CD4: variants seen among roughly 807,000 people sequenced by gnomAD.
CD4 encodes the protein T-cell surface glycoprotein CD4.
A neutral mutation model predicts 50.5 loss-of-function variants in CD4; 25 were observed. That is an observed-to-expected ratio of 0.49 (90% confidence interval 0.36 to 0.69). The LOEUF is 0.69. Ranked by LOEUF, CD4 falls within the 30% of genes least tolerant of loss-of-function variation. The pLI is 0.00. For missense variants in CD4, 456 were observed against 548.5 expected (o/e 0.83, Z 1.68); for synonymous variants, 207 against 221.9 (o/e 0.93, Z 0.60).
intron 3 of CD4, among the ~76,000 whole-genome samples, chr12:6,800,980 A>G (rs1942527243): frequency 6.6e-6 from 1 of 151,022 alleles, no homozygotes. Flanking sequence ...ATCTCGGCTC[A>G]CTGCAATCTC....
chr12:6,807,036 G>A (rs1030268384), intron 3 of CD4, among the ~76,000 whole-genome samples: 12 of 151,964 alleles, frequency 7.9e-5, no homozygotes, highest in Non-Finnish European at 1.5e-4. Context: ...GCGTGGTGGC[G>A]GGCGCCTGTA....
In CD4 at chr12:6,789,671, G is replaced by A. The variant is rs966006376; in HGVS notation, c.-68+9G>A. On this transcript the variant is annotated intron_variant, in intron 1 of 9. Transcript: ENST00000011653. The stretch of plus-strand genomic sequence containing the variant: ...AAGACGCAAGCCCAGAGGTAAGGTG[G>A]TCAGACTCGGCTTCCTTCCCCGGAG... The A allele has an allele frequency of 5.9e-5, 9 of 152,282 alleles. No homozygotes were observed. The highest frequency in any genetic ancestry group is 2.2e-4 in the African/African-American group (9 of 41,470). The allele number at this position is 152,282 out of a possible 1,614,324, so 9.4% of individuals were successfully genotyped here.
At position 6,814,884 on chromosome 12, in the gene CD4, A is replaced by G; in HGVS notation, c.499A>G (p.Lys167Glu). The G allele has an allele frequency of 1.2e-6, 2 of 1,613,190 alleles. No individual in the cohort carries two copies. The highest frequency in any genetic ancestry group is 2.2e-5 in the South Asian group (2 of 91,048). Residue 167 changes from lysine (K) to glutamate (E), a missense_variant, in exon 5 of 10, where the codon AAG becomes GAG. Transcript: ENST00000011653. ...SPRGKNIQGG[K>E]TLSVSQLELQ... ...AAGGGGTAAAAACATACAGGGGGGG[A>G]AGACCCTCTCCGTGTCTCAGCTGGA... is the stretch of plus-strand genomic sequence containing the variant.
chr12:6,810,636 C>T (rs1236514213), intron 3 of CD4, among the ~76,000 whole-genome samples: 4 of 151,814 alleles, frequency 2.6e-5, no homozygotes, highest in South Asian at 2.1e-4. Flanking sequence ...GAGTTCAAGA[C>T]GAAGAAAAAC....
rs377312803 is a variant in CD4 at position 6,791,750 on chromosome 12, T to C, written c.-68+2088T>C. 1.2e-4 allele frequency among the ~76,000 whole-genome samples: 18 copies of C among 152,148 alleles called. No individual in the cohort carries two copies. The East Asian group carries it at 2.1e-3, about 18-fold the overall frequency. ...CACAAAAGTTAGCTGGGCATGGTAGTGTGTGCCTGTGGTTCCAGCTACTTG... is the reference window on the plus strand; with the variant it reads ...CACAAAAGTTAGCTGGGCATGGTAGCGTGTGCCTGTGGTTCCAGCTACTTG... On this transcript the variant is annotated intron_variant, in intron 1 of 9. Transcript: ENST00000011653.
chr12:6,815,545 C>A (rs782521449), intron 5 of CD4, among the ~76,000 whole-genome samples: 5 of 152,304 alleles, frequency 3.3e-5, no homozygotes, highest in African/African-American at 1.2e-4. Flanking sequence ...CTGCCACAAC[C>A]ATGTGACCTT....
rs782116340 is a variant in CD4 at position 6,817,269 on chromosome 12, G to A, written c.1095G>A (p.Ala365=). 13 of 1,593,548 alleles carry A rather than the reference G, an allele frequency of 8.2e-6. No individual in the cohort carries two copies. The highest frequency in any genetic ancestry group is 4.5e-5 in the South Asian group (4 of 88,854). ...CGGTGTGGGTGCTGAACCCTGAGGC[G>A]GGGATGTGGCAGTGTCTGCTGAGTG... is the stretch of plus-strand genomic sequence containing the variant. ...EKAVWVLNPE[A]GMWQCLLSDS... The change falls in exon 7 of 10, where the codon GCG becomes GCA. Residue 365 remains alanine (A), a synonymous_variant. Transcript: ENST00000011653.
Position 6,818,501 on chromosome 12 carries a change from G to A in CD4, c.1237G>A (p.Gly413Arg). 1.2e-6 allele frequency: 2 copies of A among 1,613,062 alleles called. No homozygotes were observed. The highest frequency in any genetic ancestry group is 2.2e-5 in the East Asian group (1 of 44,882). ...GGVAGLLLFI[G>R]LGIFFCVRCR... is the part of the protein sequence containing the mutation. ...CGTCGCCGGCCTCCTGCTTTTCATT[G>A]GGCTAGGCATCTTCTTCTGTGTCAG... The change falls in exon 8 of 10, where the codon GGG becomes AGG. Residue 413 changes from glycine (G) to arginine (R), a missense_variant. Transcript: ENST00000011653. This position sits in a 1 kb window ranked among gnomAD's most constrained non-coding sequence, Gnocchi z 5.0.
At chr12:6,807,131 C>T (rs1942787975) in intron 3 of CD4, among the ~76,000 whole-genome samples, 2 of 152,038 alleles carry the variant, frequency 1.3e-5, no homozygotes, top group Non-Finnish European at 2.9e-5. Flanking sequence ...CGCGCCATTG[C>T]ACTCCAACCT....
At position 6,819,351 on chromosome 12, in the gene CD4, C is replaced by T. The variant is rs1555118675; in HGVS notation, c.*22C>T. 1 of 1,612,806 alleles carries T rather than the reference C, an allele frequency of 6.2e-7. No individual in the cohort carries two copies. Among genetic ancestry groups the T allele is most frequent in the East Asian group, 2.2e-5 (1 of 44,872 alleles). On this transcript the variant is annotated 3_prime_UTR_variant, in exon 10 of 10. Coordinates refer to ENST00000011653, the MANE Select transcript of CD4 (RefSeq NM_000616.5). Reference sequence around the variant, plus strand: ...TTGAGGCACGAGGCCAGGCAGATCCCACTTGCAGCCTCCCCAGGTGTCTGC... The same window carrying T: ...TTGAGGCACGAGGCCAGGCAGATCCTACTTGCAGCCTCCCCAGGTGTCTGC...
At chr12:6,802,630 G>C (rs1942598440) in intron 3 of CD4, among the ~76,000 whole-genome samples, 1 of 151,848 alleles carries the variant, frequency 6.6e-6, no homozygotes. Flanking sequence ...CTGTTGTTCG[G>C]CGTGGAGAAT....
rs782313850 is a variant in CD4 at position 6,816,162 on chromosome 12, G to A, written c.714G>A (p.Leu238=). The A allele has an allele frequency of 3.7e-6, 6 of 1,614,224 alleles. No homozygotes were observed. The highest frequency in any genetic ancestry group is 5.1e-6 in the Non-Finnish European group (6 of 1,180,042). Residue 238 remains leucine (L), a synonymous_variant, in exon 6 of 10, where the codon CTG becomes CTA. Transcript: ENST00000011653. The surrounding 1 kb of genome is among the most constrained non-coding windows in gnomAD (Gnocchi z 4.9). ...AAAAGCTGACGGGCAGTGGCGAGCT[G>A]TGGTGGCAGGCGGAGAGGGCTTCCT... ...TVEKLTGSGE[L]WWQAERASSS... is the part of the protein sequence containing the mutation.
chr12:6,799,538 T>G (rs1360018225), intron 1 of CD4: 1 of 153,518 alleles, frequency 6.5e-6, no homozygotes. Context: ...TTTTTTGCAG[T>G]GGTGCAATCT....
chr12:6,806,128 G>A (rs1329100470), intron 3 of CD4, among the ~76,000 whole-genome samples: 5 of 128,422 alleles, frequency 3.9e-5, no homozygotes, highest in Non-Finnish European at 4.9e-5. Context: ...AGGAAACCCC[G>A]TCTCTACCAA....
Position 6,814,338 on chromosome 12 carries a change from T to C in CD4, c.373+38T>C, listed in dbSNP as rs376507386. 3 of 1,592,754 alleles carry C rather than the reference T, an allele frequency of 1.9e-6. No individual in the cohort carries two copies. In the African/African-American group the frequency reaches 4.0e-5, roughly 21 times the overall value. On this transcript the variant is annotated intron_variant, in intron 4 of 9. Coordinates refer to ENST00000011653, the MANE Select transcript of CD4 (RefSeq NM_000616.5). ...GGTGGGGATGAGGATACCTCCTGCC[T>C]GGTTCCCTTCCCCACTACTCCCACC... is the stretch of plus-strand genomic sequence containing the variant.
intron 6 of CD4, 77 bp from the exon 7 acceptor site, chr12:6,817,053 G>A: frequency 7.9e-7 from 1 of 1,272,938 alleles, no homozygotes; most frequent in Non-Finnish European, 1.1e-6. Context: ...CTAAAAGAAG[G>A]TCACCCATAT....
chr12:6,810,203 C>G (rs1844296320), intron 3 of CD4, among the ~76,000 whole-genome samples: 1 of 152,080 alleles, frequency 6.6e-6, no homozygotes, highest in Non-Finnish European at 1.5e-5. Context: ...GCCCATACCT[C>G]TTTTAAGTCT....
intron 3 of CD4, among the ~76,000 whole-genome samples, chr12:6,802,858 C>T (rs1313735816): frequency 4.6e-5 from 7 of 151,582 alleles, no homozygotes; most frequent in African/African-American, 1.5e-4. Context: ...CTCAGCCTCC[C>T]GAGTAGCTGG....
chr12:6,795,071 C>T (rs1942329870), intron 1 of CD4, among the ~76,000 whole-genome samples: 1 of 151,006 alleles, frequency 6.6e-6, no homozygotes, highest in Admixed American at 6.6e-5. Context: ...CAGGTGTGAG[C>T]CACTGTGTCT....
Sources: gnomAD v4.1 joint callset for allele counts (sites outside exome capture counted in the v4.1 genomes callset) on GRCh38, gnomAD v4.1.1 for gene constraint, Gnocchi (gnomAD v3.1) non-coding constraint, MANE v1.5 for transcripts, NCBI Gene and HGNC (gene_info 2026-07-23, HGNC 2026-07-21) for gene names.